The following CNTNAP2 variants were observed in gnomAD, a reference collection of about 807,000 sequenced individuals.
The protein encoded by CNTNAP2 is contactin associated protein 2.
CNTNAP2 carries 98 observed loss-of-function variants against 155.2 expected under a neutral mutation model. The observed-to-expected ratio is 0.63, with a 90% CI of 0.54 to 0.75. The LOEUF (loss-of-function observed/expected upper bound fraction) is 0.75. Among genes scored for constraint, CNTNAP2 ranks in the 30% least tolerant of loss-of-function variants. CNTNAP2 has a pLI of 0.00. For missense variants in CNTNAP2, 1,727 were observed against 1,688.1 expected (o/e 1.02, Z -0.40); for synonymous variants, 651 against 631.2 (o/e 1.03, Z -0.47).
At chr7:148,122,838 A>G (rs1184111874) in intron 16 of CNTNAP2, among the ~76,000 whole-genome samples, 2 of 151,616 alleles carry the variant, frequency 1.3e-5, no homozygotes, top group African/African-American at 4.9e-5. Context: ...GACAGAGCAC[A>G]GAGCAAGAAT....
chr7:147,869,184 C>A (rs1009122134), intron 13 of CNTNAP2, among the ~76,000 whole-genome samples: 1 of 152,196 alleles, frequency 6.6e-6, no homozygotes, highest in Non-Finnish European at 1.5e-5. Context: ...AAAGATAAAA[C>A]CTTTCAACAG....
chr7:147,093,072 C>CAT (rs10596701), intron 4 of CNTNAP2, among the ~76,000 whole-genome samples: 2,150 of 144,654 alleles, frequency 0.015, 17 homozygotes, highest in Middle Eastern at 0.029. Context: ...AATACAAATA[C>CAT]ATATATATAT....
chr7:147,289,483 GAAGA>G (rs1301117508), intron 8 of CNTNAP2, among the ~76,000 whole-genome samples: 2 of 152,024 alleles, frequency 1.3e-5, no homozygotes, highest in South Asian at 2.1e-4. Context: ...GGGAAGGAAG[GAAGA>G]AAGAAAGGAA....
chr7:146,362,588 T>C (rs1795097306), intron 1 of CNTNAP2, among the ~76,000 whole-genome samples: 1 of 152,054 alleles, frequency 6.6e-6, no homozygotes, highest in Non-Finnish European at 1.5e-5. Context: ...TAGAACAAGC[T>C]GGGTGGTATG....
chr7:148,229,382 A>G (rs899008283), intron 19 of CNTNAP2, among the ~76,000 whole-genome samples: 7 of 152,100 alleles, frequency 4.6e-5, no homozygotes, highest in East Asian at 3.9e-4. Context: ...AAAATTAGCC[A>G]GGCGTGGTGG....
chr7:146,222,852 G>A (rs1325597612), intron 1 of CNTNAP2, among the ~76,000 whole-genome samples: 4 of 151,672 alleles, frequency 2.6e-5, no homozygotes, highest in Non-Finnish European at 5.9e-5. Flanking sequence ...GTAGAGACGG[G>A]GTTTTACCAT....
intron 11 of CNTNAP2, among the ~76,000 whole-genome samples, chr7:147,557,506 T>C (rs185406228): frequency 2.0e-5 from 3 of 152,164 alleles, no homozygotes; most frequent in Non-Finnish European, 2.9e-5. Context: ...TCTTCAGCAG[T>C]CTACTGGCAA....
intron 17 of CNTNAP2, among the ~76,000 whole-genome samples, chr7:148,168,909 T>G (rs1805724147): frequency 6.6e-6 from 1 of 152,188 alleles, no homozygotes; most frequent in African/African-American, 2.4e-5. Context: ...ATAATCATAT[T>G]ATTTTGTATT....
At chr7:146,319,745 T>C (rs1800968342) in intron 1 of CNTNAP2, among the ~76,000 whole-genome samples, 1 of 152,166 alleles carries the variant, frequency 6.6e-6, no homozygotes, top group Admixed American at 6.6e-5. Context: ...TTTTAGTGTG[T>C]GTTAGTGAAA....
At chr7:146,905,252 T>G (rs1001286564) in intron 3 of CNTNAP2, among the ~76,000 whole-genome samples, 1 of 151,980 alleles carries the variant, frequency 6.6e-6, no homozygotes, top group Non-Finnish European at 1.5e-5. Context: ...TCCTTAGCCT[T>G]TGAGGGATGT....
chr7:147,918,360 C>T (rs1010862664), intron 14 of CNTNAP2, among the ~76,000 whole-genome samples: 1 of 152,208 alleles, frequency 6.6e-6, no homozygotes, highest in Non-Finnish European at 1.5e-5. Flanking sequence ...CCCACATAGA[C>T]ATACACTCAT....
intron 14 of CNTNAP2, among the ~76,000 whole-genome samples, chr7:147,958,208 T>A (rs1282117410): frequency 1.3e-5 from 2 of 152,132 alleles, no homozygotes; most frequent in African/African-American, 2.4e-5. Flanking sequence ...ATTCTTTGCC[T>A]GAAATGGTTT....
At chr7:146,225,606 G>A (rs1274466904) in intron 1 of CNTNAP2, among the ~76,000 whole-genome samples, 4 of 152,278 alleles carry the variant, frequency 2.6e-5, no homozygotes, top group South Asian at 2.1e-4. Context: ...CCAGGGAGAC[G>A]TTAGGCATTA....
rs1046848584 is a variant in CNTNAP2 at position 146,492,780 on chromosome 7, G to A, written c.98-281491G>A. Among the ~76,000 whole-genome samples the A allele has an allele frequency of 4.6e-5, 7 of 152,026 alleles. 1 individual carries two copies. The East Asian group carries it at 1.3e-3, about 29-fold the overall frequency. ...TATACAGTAAAGTGTATATTATAGGGGAGCAAATTAAAATATCCATCATCT... is the reference window on the plus strand; with the variant it reads ...TATACAGTAAAGTGTATATTATAGGAGAGCAAATTAAAATATCCATCATCT... On this transcript the variant is annotated intron_variant, in intron 1 of 23. Transcript: ENST00000361727.
intron 15 of CNTNAP2, among the ~76,000 whole-genome samples, chr7:147,993,587 C>T (rs554604924): frequency 1.5e-4 from 23 of 152,152 alleles, no homozygotes; most frequent in Non-Finnish European, 3.2e-4. Context: ...AAACTTTACA[C>T]CTTCACTTAG....
chr7:147,417,848 A>G (rs531667017), intron 10 of CNTNAP2, among the ~76,000 whole-genome samples: 61 of 152,326 alleles, frequency 4.0e-4, no homozygotes, highest in African/African-American at 1.4e-3. Flanking sequence ...TAAATATTTG[A>G]GATTAATTAA....
intron 15 of CNTNAP2, among the ~76,000 whole-genome samples, chr7:147,990,371 ACT>A (rs1472341623): frequency 6.6e-6 from 1 of 152,122 alleles, no homozygotes; most frequent in Admixed American, 6.5e-5. Flanking sequence ...AGTCAAGAGC[ACT>A]CTCTCTTACA....
chr7:147,742,760 T>G (rs1796975426), intron 13 of CNTNAP2, among the ~76,000 whole-genome samples: 1 of 152,198 alleles, frequency 6.6e-6, no homozygotes, highest in South Asian at 2.1e-4. Context: ...ACTTTGCCCC[T>G]TCTCAGGAAT....
intron 13 of CNTNAP2, among the ~76,000 whole-genome samples, chr7:147,712,734 G>A (rs534636949): frequency 6.6e-6 from 1 of 152,222 alleles, no homozygotes; most frequent in South Asian, 2.1e-4. Context: ...TCACACACCG[G>A]GGCCTGTCAT....
Sources: allele counts gnomAD v4.1 joint callset (sites outside exome capture counted in the v4.1 genomes callset), GRCh38; gene constraint gnomAD v4.1.1; transcripts MANE v1.5; gene names NCBI Gene and HGNC (gene_info 2026-07-23, HGNC 2026-07-21).